The following GRIP1 variants were observed in gnomAD, a reference collection of about 807,000 sequenced individuals.
GRIP1 encodes glutamate receptor interacting protein 1.
A neutral mutation model predicts 129.9 loss-of-function variants in GRIP1; 45 were observed. The ratio of observed to expected loss-of-function variants is 0.35; its 90% CI spans 0.27 to 0.44. The LOEUF is 0.44. Ranked by LOEUF, GRIP1 falls within the 20% of genes least tolerant of loss-of-function variation. The pLI is 1.00. For synonymous variants in GRIP1, 530 were observed against 520.8 expected (o/e 1.02, Z -0.24); for missense variants, 1,196 against 1,396.8 (o/e 0.86, Z 2.29).
intron 7 of GRIP1, among the ~76,000 whole-genome samples, chr12:66,488,317 T>C (rs1317243408): frequency 6.6e-6 from 1 of 152,144 alleles, no homozygotes. Context: ...CATATTAAGA[T>C]ATTAACTCAA....
At chr12:66,645,447 A>G (rs189105940) in intron 1 of GRIP1, among the ~76,000 whole-genome samples, 1 of 152,320 alleles carries the variant, frequency 6.6e-6, no homozygotes, top group East Asian at 1.9e-4. Flanking sequence ...CATGTGGAGT[A>G]TTACTATTAT....
At chr12:66,935,364 TATGAGTAGCTAA>T in intron 1 of GRIP1, among the ~76,000 whole-genome samples, 1 of 151,998 alleles carries the variant, frequency 6.6e-6, no homozygotes, top group East Asian at 1.9e-4. Context: ...GGTTCCACAA[TATGAGTAGCTAA>T]ATGAGTAGCT....
At chr12:66,625,768 A>G (rs1352442726) in intron 1 of GRIP1, among the ~76,000 whole-genome samples, 1 of 152,210 alleles carries the variant, frequency 6.6e-6, no homozygotes, top group African/African-American at 2.4e-5. Context: ...AGGGGTTGCT[A>G]TTCCTTAGAT....
At chr12:66,422,447 G>A (rs570258250) in intron 14 of GRIP1, among the ~76,000 whole-genome samples, 2 of 152,176 alleles carry the variant, frequency 1.3e-5, no homozygotes, top group South Asian at 4.1e-4. Flanking sequence ...AATTGTTCTG[G>A]GCATAGGGCA....
At chr12:66,585,911 G>A (rs1454695581) in intron 2 of GRIP1, among the ~76,000 whole-genome samples, 2 of 152,130 alleles carry the variant, frequency 1.3e-5, no homozygotes, top group Non-Finnish European at 2.9e-5. Context: ...CTTTTGAGAA[G>A]TGTCTGACCC....
intron 1 of GRIP1, among the ~76,000 whole-genome samples, chr12:66,902,344 T>C (rs1375770772): frequency 1.3e-5 from 2 of 152,188 alleles, no homozygotes; most frequent in Non-Finnish European, 2.9e-5. Flanking sequence ...CCAACATGGA[T>C]TAAAAACTTT....
intron 1 of GRIP1, among the ~76,000 whole-genome samples, chr12:66,875,547 T>C (rs1171447669): frequency 1.3e-5 from 2 of 152,094 alleles, no homozygotes; most frequent in Non-Finnish European, 2.9e-5. Context: ...TCACTGCTAC[T>C]CAGTCAGTAA....
intron 1 of GRIP1, among the ~76,000 whole-genome samples, chr12:66,753,850 T>C (rs1277036716): frequency 2.0e-5 from 3 of 152,240 alleles, no homozygotes; most frequent in Non-Finnish European, 4.4e-5. Context: ...CTGATAAAGC[T>C]GCATTAATCT....
intron 7 of GRIP1, among the ~76,000 whole-genome samples, chr12:66,514,800 G>T (rs1295335618): frequency 6.6e-6 from 1 of 152,100 alleles, no homozygotes; most frequent in Non-Finnish European, 1.5e-5. Flanking sequence ...AAAGGAGTAT[G>T]CAGTTATAGA....
At chr12:66,547,463 A>G (rs535898673) in intron 2 of GRIP1, among the ~76,000 whole-genome samples, 1 of 152,332 alleles carries the variant, frequency 6.6e-6, no homozygotes, top group Non-Finnish European at 1.5e-5. Context: ...TTCACACCAA[A>G]ACCTGTAAGT....
rs148401179 is a variant in GRIP1 at position 67,059,956 on chromosome 12, T to C, written c.58+9094A>G. Reference sequence around the variant, plus strand: ...GTCTGTGACTAGCGAGTTTATCTCATTGAAGAGGACAAGAACAGATGCAGT... The same window carrying C: ...GTCTGTGACTAGCGAGTTTATCTCACTGAAGAGGACAAGAACAGATGCAGT... On this transcript the variant is annotated intron_variant, in intron 1 of 1. Transcript: ENST00000643019. Among the ~76,000 whole-genome samples, 383 of 152,340 alleles carry C rather than the reference T, an allele frequency of 2.5e-3. 6 individuals are homozygous for C. Among genetic ancestry groups the C allele is most frequent in the African/African-American group, 8.5e-3 (355 of 41,564 alleles).
chr12:66,472,065 C>T (rs1322132603), intron 7 of GRIP1, among the ~76,000 whole-genome samples: 2 of 152,198 alleles, frequency 1.3e-5, no homozygotes. Context: ...GGACCAGATC[C>T]ATATGCTTTG....
In GRIP1 at chr12:66,360,178, GA is replaced by G. The variant is rs149314930; in HGVS notation, c.3013-6616del. 8.7e-5 allele frequency among the ~76,000 whole-genome samples: 10 copies of G among 114,726 alleles called. No homozygotes were observed. The East Asian group carries it at 2.8e-3, about 32-fold the overall frequency. 75.3% of individuals were successfully genotyped at this position (114,726 alleles called of 152,430 possible). A position where few individuals can be genotyped will look rare whatever the true frequency, so the allele number is the denominator to read the frequency against. On this transcript the variant is annotated intron_variant, in intron 23 of 24. Transcript: ENST00000359742. ...TGCTGTGTTCTTTCCACCAAATCATGATTTTTTTTTTTTTCGACATGTAATC... is the reference window on the plus strand; with the variant it reads ...TGCTGTGTTCTTTCCACCAAATCATGTTTTTTTTTTTTTCGACATGTAATC...
chr12:66,748,428 T>C (rs1399944244), intron 1 of GRIP1, among the ~76,000 whole-genome samples: 3 of 152,214 alleles, frequency 2.0e-5, no homozygotes, highest in South Asian at 2.1e-4. Flanking sequence ...GTTTCCTGAA[T>C]TGTAAAATAA....
intron 1 of GRIP1, among the ~76,000 whole-genome samples, chr12:66,867,402 C>T (rs963772406): frequency 1.1e-4 from 16 of 152,096 alleles, no homozygotes; most frequent in African/African-American, 3.6e-4. Context: ...AAATTAGCAT[C>T]ATTGTTTTCA....
intron 1 of GRIP1, among the ~76,000 whole-genome samples, chr12:67,040,828 C>G (rs763659440): frequency 6.6e-6 from 1 of 152,114 alleles, no homozygotes; most frequent in Non-Finnish European, 1.5e-5. Flanking sequence ...ACCACAGTGC[C>G]CAGATACTCA....
intron 1 of GRIP1, among the ~76,000 whole-genome samples, chr12:67,067,575 C>T (rs1383916564): frequency 2.0e-5 from 3 of 152,010 alleles, no homozygotes; most frequent in Non-Finnish European, 4.4e-5. Context: ...AGGTCACCTG[C>T]CAGAAAGTGT....
At chr12:66,479,321 G>T (rs1477623099) in intron 7 of GRIP1, among the ~76,000 whole-genome samples, 1 of 152,134 alleles carries the variant, frequency 6.6e-6, no homozygotes, top group Non-Finnish European at 1.5e-5. Context: ...AAATCTAGAA[G>T]AAATGGATAA....
chr12:66,585,776 C>T (rs1249322803), intron 2 of GRIP1, among the ~76,000 whole-genome samples: 2 of 150,756 alleles, frequency 1.3e-5, no homozygotes, highest in African/African-American at 4.9e-5. Context: ...TGTTTCCTGA[C>T]TTTTTAATGA....
Sources: gnomAD v4.1 joint callset for allele counts (sites outside exome capture counted in the v4.1 genomes callset) on GRCh38, gnomAD v4.1.1 for gene constraint, MANE v1.5 for transcripts, NCBI Gene and HGNC (gene_info 2026-07-23, HGNC 2026-07-21) for gene names.